Variants in TENM4 observed in about 807,000 individuals in gnomAD.
TENM4 encodes the protein teneurin-4.
TENM4 carries 82 observed loss-of-function variants against 243.3 expected under a neutral mutation model. That is an observed-to-expected ratio of 0.34 (90% CI 0.28 to 0.40). TENM4 has a LOEUF of 0.40. Among genes scored for constraint, TENM4 ranks in the 10% least tolerant of loss-of-function variants. The pLI, the probability that TENM4 is intolerant of heterozygous loss-of-function variation, is 1.00. For missense variants in TENM4, 3,138 were observed against 3,673.3 expected, an observed-to-expected ratio of 0.85 and a Z score of 3.77; for synonymous variants, 1,412 against 1,456.3, an observed-to-expected ratio of 0.97 and a Z score of 0.69.
At chr11:79,277,879 G>A (rs961968872) in intron 2 of TENM4, among the ~76,000 whole-genome samples, 2 of 152,204 alleles carry the variant, frequency 1.3e-5, no homozygotes, top group African/African-American at 4.8e-5. Context: ...AGCTTGAAAT[G>A]AGCACAGTGG....
chr11:79,289,440 GC>G (rs776084272), intron 2 of TENM4, among the ~76,000 whole-genome samples: 37 of 152,232 alleles, frequency 2.4e-4, no homozygotes, highest in Non-Finnish European at 2.9e-5. Flanking sequence ...ATGGCCTTCA[GC>G]CCAAGAGAGC....
intron 3 of TENM4, among the ~76,000 whole-genome samples, chr11:79,200,268 G>A (rs181964417): frequency 4.1e-4 from 63 of 152,352 alleles, no homozygotes; most frequent in African/African-American, 1.2e-3. Context: ...TCCTTCAGAA[G>A]GACCCAGAGG....
intron 6 of TENM4, 83 bp downstream of exon 6, chr11:79,064,655 C>A: frequency 6.6e-7 from 1 of 1,506,022 alleles, no homozygotes; most frequent in Non-Finnish European, 9.0e-7. Context: ...AGAGCCCCGG[C>A]AGTGGAGCAG....
At chr11:78,671,945 G>A (rs1332015196) in intron 31 of TENM4, 88 bp downstream of exon 31, 23 of 1,471,264 alleles carry the variant, frequency 1.6e-5, no homozygotes, top group Non-Finnish European at 2.0e-5. Flanking sequence ...GTCAGATACA[G>A]CCCACTGAGG....
At chr11:78,753,012 G>C (rs1043230750) in intron 19 of TENM4, among the ~76,000 whole-genome samples, 2 of 152,110 alleles carry the variant, frequency 1.3e-5, no homozygotes, top group Non-Finnish European at 2.9e-5. Flanking sequence ...GCAATCCCTA[G>C]ACACATAGAC....
At chr11:78,765,126 C>T (rs1565369660) in intron 18 of TENM4, among the ~76,000 whole-genome samples, 1 of 152,194 alleles carries the variant, frequency 6.6e-6, no homozygotes, top group Non-Finnish European at 1.5e-5. Context: ...TGTCTGCAGT[C>T]TGGCCACAGA....
At chr11:79,185,964 T>C (rs1196815026) in intron 3 of TENM4, among the ~76,000 whole-genome samples, 2 of 152,140 alleles carry the variant, frequency 1.3e-5, no homozygotes, top group African/African-American at 4.8e-5. Context: ...ATTTTACATG[T>C]ATAGAAGGGT....
rs201451714 is a variant in TENM4, at chr11:79,384,494, C to CG, written c.-321+56014dup. On this transcript the variant is annotated intron_variant, in intron 1 of 33. Transcript: ENST00000278550. ...GATTCTGAGCTCCTGGTCTGAGATGCGGGGGGGTTGAATTTCAGTCCCAGT... is the reference window on the plus strand; with the variant it reads ...GATTCTGAGCTCCTGGTCTGAGATGCGGGGGGGGTTGAATTTCAGTCCCAGT... 4.9e-3 allele frequency among the ~76,000 whole-genome samples: 751 copies of CG among 152,182 alleles called. 4 individuals are homozygous for CG. The highest frequency in any genetic ancestry group is 0.034 in the Middle Eastern group (10 of 294).
intron 1 of TENM4, among the ~76,000 whole-genome samples, chr11:79,351,077 G>A (rs748203131): frequency 3.3e-5 from 5 of 152,128 alleles, no homozygotes; most frequent in Non-Finnish European, 1.5e-5. Flanking sequence ...CCTCAAGGCT[G>A]TATACTTGCT....
At chr11:78,695,614 C>T (rs369352863) in intron 28 of TENM4, among the ~76,000 whole-genome samples, 6 of 151,812 alleles carry the variant, frequency 4.0e-5, no homozygotes, top group East Asian at 1.9e-4. Flanking sequence ...CCACCTGCCT[C>T]GGCCTCCCAA....
intron 6 of TENM4, among the ~76,000 whole-genome samples, chr11:78,933,379 G>A (rs1456677946): frequency 6.6e-6 from 1 of 152,154 alleles, no homozygotes; most frequent in Non-Finnish European, 1.5e-5. Context: ...TTAAAATGCT[G>A]CATAAACTCA....
chr11:79,244,047 A>G (rs893066577), intron 2 of TENM4, among the ~76,000 whole-genome samples: 9 of 152,186 alleles, frequency 5.9e-5, no homozygotes, highest in Non-Finnish European at 1.0e-4. Context: ...AGCAAGTCCT[A>G]CGATCAGTGG....
At chr11:79,041,302 G>T (rs112321018) in intron 6 of TENM4, among the ~76,000 whole-genome samples, 2 of 152,172 alleles carry the variant, frequency 1.3e-5, no homozygotes, top group African/African-American at 4.8e-5. Flanking sequence ...GACCTCAGAT[G>T]ATCCGCCAGC....
intron 3 of TENM4, among the ~76,000 whole-genome samples, chr11:79,192,016 T>C (rs1461603175): frequency 2.0e-5 from 3 of 146,526 alleles, no homozygotes; most frequent in Non-Finnish European, 3.0e-5. Flanking sequence ...CGGCTGCCCC[T>C]ACTGGGAAGT....
chr11:79,180,374 G>A (rs76421588), intron 3 of TENM4, among the ~76,000 whole-genome samples: 9,643 of 151,548 alleles, frequency 0.064, 884 homozygotes, highest in East Asian at 0.42. Flanking sequence ...TGGCACATAC[G>A]ATCTATAGAT....
intron 1 of TENM4, among the ~76,000 whole-genome samples, chr11:79,437,239 C>T (rs1859289656): frequency 6.6e-6 from 1 of 152,088 alleles, no homozygotes; most frequent in Non-Finnish European, 1.5e-5. Flanking sequence ...CTCTCTGCTC[C>T]CCAACACATG....
At chr11:78,987,120 A>G (rs1185076103) in intron 6 of TENM4, among the ~76,000 whole-genome samples, 2 of 152,234 alleles carry the variant, frequency 1.3e-5, no homozygotes, top group Non-Finnish European at 2.9e-5. Flanking sequence ...TTATTTCTCT[A>G]TCAATCATAG....
At chr11:79,076,577 G>A (rs1277102294) in intron 4 of TENM4, among the ~76,000 whole-genome samples, 2 of 152,162 alleles carry the variant, frequency 1.3e-5, no homozygotes, top group East Asian at 3.9e-4. Flanking sequence ...CAACACGTGG[G>A]AATTCAAGAT....
At chr11:79,351,670 C>CA (rs2135478685) in intron 1 of TENM4, among the ~76,000 whole-genome samples, 1 of 152,246 alleles carries the variant, frequency 6.6e-6, no homozygotes, top group East Asian at 1.9e-4. Context: ...TGCGCCACTG[C>CA]ACTCCAGCCT....
Sources: gnomAD v4.1 joint callset for allele counts (sites outside exome capture counted in the v4.1 genomes callset) on GRCh38, gnomAD v4.1.1 for gene constraint, MANE v1.5 for transcripts, NCBI Gene and HGNC (gene_info 2026-07-23, HGNC 2026-07-21) for gene names.